The following ADAMTS3 variants were observed in gnomAD, a reference collection of about 807,000 sequenced individuals.
The protein encoded by ADAMTS3 is A disintegrin and metalloproteinase with thrombospondin motifs 3.
Under a neutral mutation model 129.0 loss-of-function variants are expected in ADAMTS3, and 73 were observed. That is an observed-to-expected ratio of 0.57 (90% CI 0.47 to 0.69). The LOEUF (loss-of-function observed/expected upper bound fraction) is 0.69, where lower values mean the gene tolerates loss of function less well. Ranked by LOEUF, ADAMTS3 falls within the 30% of genes least tolerant of loss-of-function variation. The pLI is 0.00. For missense variants in ADAMTS3, 1,457 were observed against 1,514.5 expected, an observed-to-expected ratio of 0.96 and a Z score of 0.63; for synonymous variants, 477 against 510.8, an observed-to-expected ratio of 0.93 and a Z score of 0.89.
intron 2 of ADAMTS3, among the ~76,000 whole-genome samples, chr4:72,552,286 AAT>A (rs1721663798): frequency 6.6e-6 from 1 of 152,206 alleles, no homozygotes; most frequent in South Asian, 2.1e-4. Flanking sequence ...GGAGGTTAGT[AAT>A]AGTTACAACT....
intron 4 of ADAMTS3, among the ~76,000 whole-genome samples, chr4:72,347,001 C>T (rs1460137682): frequency 6.6e-6 from 1 of 152,048 alleles, no homozygotes; most frequent in Non-Finnish European, 1.5e-5. Flanking sequence ...AAATTGTGAA[C>T]TAGGACATTT....
intron 3 of ADAMTS3, among the ~76,000 whole-genome samples, chr4:72,499,245 A>G (rs1578736583): frequency 6.6e-6 from 1 of 152,172 alleles, no homozygotes; most frequent in East Asian, 1.9e-4. Flanking sequence ...TTAAAGTATA[A>G]TAAGAATCTA....
At chr4:72,354,890 C>A (rs13112257) in intron 4 of ADAMTS3, among the ~76,000 whole-genome samples, 1 of 151,950 alleles carries the variant, frequency 6.6e-6, no homozygotes, top group African/African-American at 2.4e-5. Context: ...GTTCTAGACA[C>A]TGGATTGTGT....
chr4:72,485,178 T>C (rs1478932882), intron 3 of ADAMTS3, among the ~76,000 whole-genome samples: 1 of 152,168 alleles, frequency 6.6e-6, no homozygotes, highest in Non-Finnish European at 1.5e-5. Flanking sequence ...TGGAACAAGA[T>C]CCGTAGTTCA....
chr4:72,491,232 TAG>T (rs1251687148), intron 3 of ADAMTS3, among the ~76,000 whole-genome samples: 4 of 151,818 alleles, frequency 2.6e-5, no homozygotes. Flanking sequence ...GTTCATTCTT[TAG>T]AGTTTCCTGG....
chr4:72,454,087 A>C (rs1718480145), intron 3 of ADAMTS3, among the ~76,000 whole-genome samples: 1 of 151,388 alleles, frequency 6.6e-6, no homozygotes, highest in African/African-American at 2.4e-5. Flanking sequence ...ATTCACAAAG[A>C]TTAGAAAGCA....
chr4:72,391,232 T>C (rs1319745005), intron 4 of ADAMTS3, among the ~76,000 whole-genome samples: 1 of 152,230 alleles, frequency 6.6e-6, no homozygotes, highest in Non-Finnish European at 1.5e-5. Flanking sequence ...GTATATTGTA[T>C]ATTACGTGTA....
intron 4 of ADAMTS3, among the ~76,000 whole-genome samples, chr4:72,391,189 A>C (rs1721584847): frequency 6.6e-6 from 1 of 152,228 alleles, no homozygotes. Context: ...GGGTAGTTAG[A>C]GGGAAGAAAA....
intron 4 of ADAMTS3, among the ~76,000 whole-genome samples, chr4:72,380,456 A>G (rs1663783328): frequency 6.6e-6 from 1 of 152,204 alleles, no homozygotes; most frequent in South Asian, 2.1e-4. Context: ...GATTTTTTAT[A>G]AAATTAATAA....
At chr4:72,425,672 T>A (rs1370020237) in intron 3 of ADAMTS3, among the ~76,000 whole-genome samples, 1 of 152,158 alleles carries the variant, frequency 6.6e-6, no homozygotes, top group African/African-American at 2.4e-5. Context: ...CTCATCCTTT[T>A]TTATGGCTGC....
chr4:72,510,208 G>A (rs2110033028), intron 3 of ADAMTS3, among the ~76,000 whole-genome samples: 1 of 152,078 alleles, frequency 6.6e-6, no homozygotes, highest in Admixed American at 6.5e-5. Flanking sequence ...TCTAAGATCT[G>A]GAAAATGAAA....
At chr4:72,391,588 C>T (rs960594349) in intron 4 of ADAMTS3, among the ~76,000 whole-genome samples, 1 of 152,150 alleles carries the variant, frequency 6.6e-6, no homozygotes, top group Non-Finnish European at 1.5e-5. Flanking sequence ...ATCTCTGTGA[C>T]TACAGTTAGA....
intron 5 of ADAMTS3, 32 bp downstream of exon 5, chr4:72,339,462 T>C: frequency 1.2e-6 from 2 of 1,606,246 alleles, no homozygotes; most frequent in Non-Finnish European, 1.7e-6. Flanking sequence ...AATTAAAAGA[T>C]CAAAAAGCTT....
intron 4 of ADAMTS3, among the ~76,000 whole-genome samples, chr4:72,377,918 T>C (rs1483157850): frequency 6.6e-6 from 1 of 152,192 alleles, no homozygotes; most frequent in Non-Finnish European, 1.5e-5. Context: ...GTGAGCACTC[T>C]GGATTTCTTC....
At chr4:72,393,812 T>A (rs1403023766) in intron 4 of ADAMTS3, among the ~76,000 whole-genome samples, 1 of 152,232 alleles carries the variant, frequency 6.6e-6, no homozygotes, top group Non-Finnish European at 1.5e-5. Flanking sequence ...GAAAGAAGGT[T>A]AAGAACAACA....
intron 3 of ADAMTS3, among the ~76,000 whole-genome samples, chr4:72,423,062 AC>A (rs1722486181): frequency 6.6e-6 from 1 of 152,156 alleles, no homozygotes; most frequent in Non-Finnish European, 1.5e-5. Context: ...TATGCCATGG[AC>A]ACCTTCCATT....
intron 3 of ADAMTS3, among the ~76,000 whole-genome samples, chr4:72,422,444 T>C (rs1269045082): frequency 6.6e-6 from 1 of 152,160 alleles, no homozygotes. Context: ...TTTTTTTAAA[T>C]ATTTATTTTT....
chr4:72,323,912 A>G (rs1342159260), intron 5 of ADAMTS3, among the ~76,000 whole-genome samples: 6 of 152,202 alleles, frequency 3.9e-5, no homozygotes, highest in Non-Finnish European at 7.3e-5. Flanking sequence ...TCTGACATGC[A>G]AAACACAGAG....
intron 18 of ADAMTS3, among the ~76,000 whole-genome samples, chr4:72,297,502 A>G (rs1718839530): frequency 1.3e-5 from 2 of 152,136 alleles, no homozygotes; most frequent in African/African-American, 4.8e-5. Flanking sequence ...ATTTGCTGTC[A>G]TTTTTGTAAC....
Sources: allele counts gnomAD v4.1 joint callset (sites outside exome capture counted in the v4.1 genomes callset), GRCh38; gene constraint gnomAD v4.1.1; transcripts MANE v1.5; gene names NCBI Gene and HGNC (gene_info 2026-07-23, HGNC 2026-07-21).